GPHN: variants seen among roughly 807,000 people sequenced by gnomAD.
GPHN encodes the protein gephyrin.
In GPHN, 17 loss-of-function variants were observed where a neutral mutation model predicts 95.5. That is an observed-to-expected ratio of 0.18 (90% confidence interval 0.12 to 0.27). The LOEUF is 0.27. GPHN is among the 10% of genes least tolerant of loss of function. The probability of loss-of-function intolerance (pLI) is 1.00; values close to 1 mark genes in which losing one functional copy is unlikely to be tolerated. For synonymous variants in GPHN, 320 were observed against 322.5 expected (o/e 0.99, Z 0.08); for missense variants, 660 against 978.1 (o/e 0.67, Z 4.34).
chr14:66,871,619 G>A (rs2063437382), intron 4 of GPHN, among the ~76,000 whole-genome samples: 2 of 152,074 alleles, frequency 1.3e-5, no homozygotes, highest in Non-Finnish European at 2.9e-5. Context: ...AATAAAGATT[G>A]GATAATGACA....
At position 66,924,261 on chromosome 14, in the gene GPHN, T is replaced by G. The variant is rs1185937598; in HGVS notation, c.797T>G (p.Ile266Ser). Reference sequence around the variant, plus strand: ...GGTGAACAGCCCATCCCTGGTCTCATCAATTATTCCCATCATTCAACAGAT... The same window carrying G: ...GGTGAACAGCCCATCCCTGGTCTCAGCAATTATTCCCATCATTCAACAGAT... ...AHGEQPIPGL[I>S]NYSHHSTDER... is the part of the protein sequence containing the mutation. The change falls in exon 8 of 23, where the codon ATC (isoleucine) becomes AGC (serine). Residue 266 changes from isoleucine to serine, a missense_variant. By Grantham distance (142) the Ile-to-Ser change is moderately radical. Transcript: ENST00000478722. The G allele has an allele frequency of 6.2e-7, 1 of 1,609,658 alleles. No individual in the cohort carries two copies. The highest frequency in any genetic ancestry group is 1.7e-5 in the Admixed American group (1 of 59,950).
chr14:66,993,473 T>A (rs567377564), intron 9 of GPHN, among the ~76,000 whole-genome samples: 1 of 152,310 alleles, frequency 6.6e-6, no homozygotes, highest in South Asian at 2.1e-4. Context: ...CTTCATTACG[T>A]CTTAACAAAG....
chr14:67,036,654 A>G (rs1278961077), intron 10 of GPHN, among the ~76,000 whole-genome samples: 1 of 151,878 alleles, frequency 6.6e-6, no homozygotes, highest in Non-Finnish European at 1.5e-5. Context: ...ATGATTAACA[A>G]TCTGAAAAAG....
the GPHN span, among the ~76,000 whole-genome samples, chr14:67,269,079 T>A: frequency 6.6e-6 from 1 of 152,222 alleles, no homozygotes; most frequent in African/African-American, 2.4e-5. Flanking sequence ...TTTGTCTCTC[T>A]ATATTTGCCT....
intron 1 of GPHN, among the ~76,000 whole-genome samples, chr14:66,649,633 G>T (rs2064940614): frequency 6.6e-6 from 1 of 152,230 alleles, no homozygotes; most frequent in African/African-American, 2.4e-5. Context: ...ATGATCTGAA[G>T]TGGAGCTGAG....
At chr14:67,154,688 C>T (rs915375678) in intron 18 of GPHN, among the ~76,000 whole-genome samples, 2 of 151,956 alleles carry the variant, frequency 1.3e-5, no homozygotes, top group African/African-American at 4.8e-5. Flanking sequence ...TACATATCAG[C>T]TATCAAAGCA....
chr14:67,485,212 G>A, the GPHN span, among the ~76,000 whole-genome samples: 397 of 152,290 alleles, frequency 2.6e-3, 2 homozygotes, highest in African/African-American at 8.8e-3. Context: ...GGGGAGATGT[G>A]CCTCCCATCT....
the GPHN span, chr14:67,578,505 T>C: frequency 3.4e-6 from 5 of 1,487,626 alleles, no homozygotes; most frequent in Non-Finnish European, 4.7e-6. This position sits in a 1 kb window ranked among gnomAD's most constrained non-coding sequence, Gnocchi z 5.0. Flanking sequence ...GGCCCAGCAC[T>C]CACCCCACGC....
At chr14:67,523,072 C>T in the GPHN span, among the ~76,000 whole-genome samples, 1 of 152,152 alleles carries the variant, frequency 6.6e-6, no homozygotes, top group African/African-American at 2.4e-5. Context: ...TGCCTATAAT[C>T]CCAGCACTTT....
the GPHN span, chr14:67,555,787 A>C: frequency 6.2e-7 from 1 of 1,610,280 alleles, no homozygotes; most frequent in Non-Finnish European, 8.5e-7. Flanking sequence ...CAGTAGGGAC[A>C]TGGCACCTAC....
At chr14:66,774,292 G>A (rs539721674) in intron 2 of GPHN, among the ~76,000 whole-genome samples, 22 of 152,170 alleles carry the variant, frequency 1.4e-4, no homozygotes, top group South Asian at 8.3e-4. Flanking sequence ...ATGAGCCACC[G>A]CGCCCGGCCA....
At chr14:67,547,505 C>A in the GPHN span, among the ~76,000 whole-genome samples, 1 of 152,206 alleles carries the variant, frequency 6.6e-6, no homozygotes, top group Non-Finnish European at 1.5e-5. Context: ...CCAGTTGCTA[C>A]ACGCACTGGG....
the GPHN span, among the ~76,000 whole-genome samples, chr14:67,362,514 A>C: frequency 2.0e-5 from 3 of 152,220 alleles, no homozygotes; most frequent in Non-Finnish European, 2.9e-5. Context: ...TGTGATGTAC[A>C]TGGCACAGAT....
At chr14:67,085,190 G>C (rs1231477748) in intron 11 of GPHN, among the ~76,000 whole-genome samples, 1 of 152,152 alleles carries the variant, frequency 6.6e-6, no homozygotes, top group African/African-American at 2.4e-5. Flanking sequence ...CAAACTACCA[G>C]AACAAAGTTT....
At chr14:67,252,431 A>G in the GPHN span, among the ~76,000 whole-genome samples, 2 of 152,182 alleles carry the variant, frequency 1.3e-5, no homozygotes, top group East Asian at 1.9e-4. Context: ...CTGGTATTAC[A>G]GGAGTGAGCC....
chr14:66,645,989 G>T (rs2064724536), intron 1 of GPHN, among the ~76,000 whole-genome samples: 1 of 151,940 alleles, frequency 6.6e-6, no homozygotes, highest in South Asian at 2.1e-4. Flanking sequence ...ATTGCTCCAG[G>T]TCACTTCTCA....
rs139098564 is a variant in GPHN, at chr14:66,826,961, G to A, written c.294+2395G>A. ...GCTATCTAGGCACCCACCCTAAGTC[G>A]TCTCATTAGCATAAACTCAGGTGTG... is the stretch of plus-strand genomic sequence containing the variant. On this transcript the variant is annotated intron_variant, in intron 4 of 22. Coordinates refer to ENST00000478722, the MANE Select transcript of GPHN (RefSeq NM_020806.5). Among the ~76,000 whole-genome samples the A allele has an allele frequency of 3.5e-4, 54 of 152,140 alleles. No individual in the cohort carries two copies. In the East Asian group the frequency reaches 5.8e-3, roughly 16 times the overall value.
At chr14:67,087,411 T>A (rs2076951698) in intron 11 of GPHN, among the ~76,000 whole-genome samples, 1 of 151,920 alleles carries the variant, frequency 6.6e-6, no homozygotes, top group African/African-American at 2.4e-5. Context: ...CTATATAGCT[T>A]CAGGTTCATG....
chr14:66,515,209 G>A (rs2058192762), intron 1 of GPHN, among the ~76,000 whole-genome samples: 1 of 152,082 alleles, frequency 6.6e-6, no homozygotes, highest in Non-Finnish European at 1.5e-5. Context: ...ATATGGTTAT[G>A]TTCTTTACTT....
Sources: gnomAD v4.1 joint callset for allele counts (sites outside exome capture counted in the v4.1 genomes callset) on GRCh38, gnomAD v4.1.1 for gene constraint, Gnocchi (gnomAD v3.1) non-coding constraint, MANE v1.5 for transcripts, NCBI Gene and HGNC (gene_info 2026-07-23, HGNC 2026-07-21) for gene names.